The following KCNN2 variants were observed in gnomAD, a reference collection of about 807,000 sequenced individuals.
The protein encoded by KCNN2 is potassium calcium-activated channel subfamily N member 2.
In KCNN2, 24 loss-of-function variants were observed where a neutral mutation model predicts 55.5. The ratio of observed to expected loss-of-function variants is 0.43; its 90% CI spans 0.31 to 0.61. The LOEUF is 0.61. KCNN2 is among the 20% of genes least tolerant of loss of function. The pLI is 0.08. For synonymous variants in KCNN2, 431 were observed against 336.1 expected (o/e 1.28, Z -3.09); for missense variants, 754 against 853.6 (o/e 0.88, Z 1.45).
chr5:114,404,449 G>A lies in KCNN2; in HGVS notation c.1230G>A (p.Val410=). The stretch of plus-strand genomic sequence containing the variant: ...CTTTATTTTTTCAGTTGTTCATGGT[G>A]GACAATGGAGCAGATGACTGGAGAA... ...YHAREIQLFM[V]DNGADDWRIA... is the part of the protein sequence containing the mutation. The change falls in exon 3 of 8, where the codon GTG becomes GTA. Residue 410 remains valine, a synonymous_variant. Coordinates refer to ENST00000673685, the MANE Select transcript of KCNN2 (RefSeq NM_021614.4). The A allele has an allele frequency of 6.2e-7, 1 of 1,612,082 alleles. No homozygotes were observed.
chr5:114,447,617 T>C (rs982617261), intron 3 of KCNN2, among the ~76,000 whole-genome samples: 2 of 152,206 alleles, frequency 1.3e-5, no homozygotes, highest in Non-Finnish European at 2.9e-5. Flanking sequence ...GCAGAGGCTA[T>C]TCTCTCTCCA....
intron 1 of KCNN2, among the ~76,000 whole-genome samples, chr5:114,153,652 G>A (rs541149405): frequency 1.3e-5 from 2 of 152,268 alleles, no homozygotes; most frequent in East Asian, 3.9e-4. Flanking sequence ...TGAATCTTAC[G>A]GTGGATAGTA....
At chr5:114,109,897 G>A (rs768289980) in intron 1 of KCNN2, among the ~76,000 whole-genome samples, 45 of 152,154 alleles carry the variant, frequency 3.0e-4, no homozygotes, top group Admixed American at 1.2e-3. Flanking sequence ...ATTTGAAAGC[G>A]GCCCCTCCAA....
chr5:114,072,023 T>A (rs1310832388), intron 1 of KCNN2, among the ~76,000 whole-genome samples: 1 of 152,220 alleles, frequency 6.6e-6, no homozygotes, highest in Non-Finnish European at 1.5e-5. Context: ...CTGGGCGTGG[T>A]GCCTCATGCC....
chr5:114,249,720 G>A (rs116406117), intron 2 of KCNN2, among the ~76,000 whole-genome samples: 2,382 of 145,114 alleles, frequency 0.016, 24 homozygotes, highest in Non-Finnish European at 0.021. Context: ...TAAACAGTTC[G>A]GAATTAAAAA....
At chr5:114,179,231 C>T (rs1753192004) in intron 1 of KCNN2, among the ~76,000 whole-genome samples, 1 of 152,182 alleles carries the variant, frequency 6.6e-6, no homozygotes, top group Non-Finnish European at 1.5e-5. Context: ...GCTGGAGCTG[C>T]AGTCATCTCA....
At chr5:114,065,210 G>A (rs1377143559) in intron 1 of KCNN2, among the ~76,000 whole-genome samples, 1 of 152,164 alleles carries the variant, frequency 6.6e-6, no homozygotes, top group Non-Finnish European at 1.5e-5. Flanking sequence ...TCATAGGAGA[G>A]AAGACAAAAG....
At chr5:114,219,255 T>A (rs933862273) in intron 1 of KCNN2, among the ~76,000 whole-genome samples, 5 of 152,210 alleles carry the variant, frequency 3.3e-5, no homozygotes, top group Admixed American at 3.3e-4. Flanking sequence ...CTGTTTGCCT[T>A]TTTGTGTGAG....
At chr5:114,123,351 A>ATTTT (rs1172994171) in intron 1 of KCNN2, among the ~76,000 whole-genome samples, 6 of 65,008 alleles carry the variant, frequency 9.2e-5, no homozygotes, top group African/African-American at 3.1e-4. Context: ...CATTTTCTTA[A>ATTTT]TTTTTTTTTT....
At chr5:114,477,718 T>G (rs1021244499) in intron 5 of KCNN2, among the ~76,000 whole-genome samples, 5 of 152,170 alleles carry the variant, frequency 3.3e-5, no homozygotes, top group South Asian at 2.1e-4. Context: ...ACAGGAAATC[T>G]TGTAGTTTGA....
At chr5:114,483,175 A>G (rs1344445037) in intron 5 of KCNN2, among the ~76,000 whole-genome samples, 1 of 151,912 alleles carries the variant, frequency 6.6e-6, no homozygotes, top group Non-Finnish European at 1.5e-5. Context: ...GAGTCGCAAT[A>G]TAATATCTCC....
chr5:114,344,410 T>C (rs949308522), intron 2 of KCNN2, among the ~76,000 whole-genome samples: 1 of 152,194 alleles, frequency 6.6e-6, no homozygotes, highest in Admixed American at 6.5e-5. Context: ...GTAAAGCTTC[T>C]ATGTCCTCTG....
chr5:114,392,014 TCTA>T (rs1348204193), intron 2 of KCNN2, among the ~76,000 whole-genome samples: 1 of 152,136 alleles, frequency 6.6e-6, no homozygotes, highest in Non-Finnish European at 1.5e-5. Context: ...GCAAAGATAT[TCTA>T]CTAAGTTCTC....
At chr5:114,144,436 C>T (rs575755871) in intron 1 of KCNN2, among the ~76,000 whole-genome samples, 4 of 152,058 alleles carry the variant, frequency 2.6e-5, no homozygotes, top group South Asian at 2.1e-4. Flanking sequence ...CAGCAGTCAC[C>T]GTAGCAGCAA....
At chr5:114,137,164 T>C (rs190025244) in intron 1 of KCNN2, among the ~76,000 whole-genome samples, 1 of 152,196 alleles carries the variant, frequency 6.6e-6, no homozygotes, top group African/African-American at 2.4e-5. Context: ...ACTGTAATCA[T>C]TGGCTCTTTT....
intron 3 of KCNN2, among the ~76,000 whole-genome samples, chr5:114,429,374 G>T (rs1182633456): frequency 6.6e-6 from 1 of 152,052 alleles, no homozygotes; most frequent in African/African-American, 2.4e-5. Flanking sequence ...TTTCATTGTT[G>T]TTTGGATTTC....
At chr5:114,091,328 G>T (rs373221427) in intron 1 of KCNN2, among the ~76,000 whole-genome samples, 80 of 152,144 alleles carry the variant, frequency 5.3e-4, no homozygotes, top group African/African-American at 1.9e-3. Context: ...AATCAATATG[G>T]GGAACATGTC....
chr5:114,117,890 A>T (rs947607012), intron 1 of KCNN2, among the ~76,000 whole-genome samples: 1 of 152,136 alleles, frequency 6.6e-6, no homozygotes, highest in Non-Finnish European at 1.5e-5. Flanking sequence ...TAATCCCTAT[A>T]GGTAAGTGCC....
At chr5:114,296,860 A>G (rs971679380) in intron 2 of KCNN2, among the ~76,000 whole-genome samples, 2 of 152,192 alleles carry the variant, frequency 1.3e-5, no homozygotes, top group African/African-American at 4.8e-5. Context: ...CCTTTTCCTC[A>G]TGTATATATT....
Sources: allele counts gnomAD v4.1 joint callset (sites outside exome capture counted in the v4.1 genomes callset), GRCh38; gene constraint gnomAD v4.1.1; transcripts MANE v1.5; gene names NCBI Gene and HGNC (gene_info 2026-07-23, HGNC 2026-07-21).